ADAR: variants seen among roughly 807,000 people sequenced by gnomAD.
The protein encoded by ADAR is double-stranded RNA-specific adenosine deaminase.
ADAR carries 41 observed loss-of-function variants against 113.2 expected under a neutral mutation model. That is an observed-to-expected ratio of 0.36 (90% CI 0.28 to 0.47). The LOEUF (loss-of-function observed/expected upper bound fraction) is 0.47, where lower values mean the gene tolerates loss of function less well. ADAR is among the 20% of genes least tolerant of loss of function. The pLI is 1.00. For synonymous variants in ADAR, 605 were observed against 572.6 expected (o/e 1.06, Z -0.81); for missense variants, 1,242 against 1,540.9 (o/e 0.81, Z 3.25).
At chr1:154,627,606 TCGCGCACACACGGG>T (rs1484943742) in intron 1 of ADAR, among the ~76,000 whole-genome samples, 10 of 152,226 alleles carry the variant, frequency 6.6e-5, no homozygotes, top group East Asian at 1.9e-4. Flanking sequence ...CCGCCCACAC[TCGCGCACACACGGG>T]CGCGCACACA....
Position 154,596,907 on chromosome 1 carries a change from A to G in ADAR, c.2168T>C (p.Leu723Pro). Residue 723 changes from leucine to proline, a missense_variant, in exon 6 of 15, where the codon CTG (leucine) becomes CCG (proline). This residue lies in a region of ADAR where 780 missense variants were observed against 1,057.9 expected (regional missense o/e 0.74). Transcript: ENST00000368474. ...AAGGCCACCCACAGGGTTGGTGTTC[A>G]GGTATCTCACGAGCTCGCCAATCTT... ...VRKIGELVRY[L>P]NTNPVGGLLE... 6.2e-7 allele frequency: 1 copy of G among 1,614,198 alleles called. No individual in the cohort carries two copies. Among genetic ancestry groups the G allele is most frequent in the Non-Finnish European group, 8.5e-7 (1 of 1,180,020 alleles).
At chr1:154,593,906 C>T (rs764045523) in intron 6 of ADAR, among the ~76,000 whole-genome samples, 10 of 150,650 alleles carry the variant, frequency 6.6e-5, no homozygotes, top group East Asian at 3.9e-4. Context: ...TTTTTTGAGA[C>T]GGAGTCTCAC....
upstream of ADAR, among the ~76,000 whole-genome samples, chr1:154,611,118 G>A (rs1018412130): frequency 2.6e-5 from 4 of 152,018 alleles, no homozygotes; most frequent in Admixed American, 1.3e-4. Flanking sequence ...CTCCGTTTAA[G>A]TAACAGGAGT....
intron 1 of ADAR, among the ~76,000 whole-genome samples, chr1:154,620,669 A>G (rs1053611206): frequency 6.6e-6 from 1 of 152,254 alleles, no homozygotes; most frequent in Admixed American, 6.5e-5. Context: ...TAGAACAGGC[A>G]AAACTAATCT....
At chr1:154,621,372 T>TA (rs1241126507) in intron 1 of ADAR, among the ~76,000 whole-genome samples, 1 of 152,002 alleles carries the variant, frequency 6.6e-6, no homozygotes, top group Non-Finnish European at 1.5e-5. Context: ...AAAATTTGTC[T>TA]AAAAAAGAAT....
At position 154,588,640 on chromosome 1, in the gene ADAR, G is replaced by A. The variant is rs2101578963; in HGVS notation, c.2796C>T (p.Ser932=). 1 of 1,614,060 alleles carries A rather than the reference G, an allele frequency of 6.2e-7. No homozygotes were observed. The part of the protein sequence containing the change: ...FLYSELMKYN[S]QTAKDSIFEP... ...CAAATATACTATCCTTCGCAGTCTGGGAGTTGTATTTCATTAACTCACTGT... is the reference window on the plus strand; with the variant it reads ...CAAATATACTATCCTTCGCAGTCTGAGAGTTGTATTTCATTAACTCACTGT... Residue 932 remains serine (S), a synonymous_variant, in exon 10 of 15, where the codon TCC becomes TCT. Coordinates refer to ENST00000368474, the MANE Select transcript of ADAR (RefSeq NM_001111.5).
At position 154,607,957 on chromosome 1, in the gene ADAR, G is replaced by A. The variant is rs551836792; in HGVS notation, c.15+35C>T. On this transcript the variant is annotated intron_variant, in intron 1 of 14. Transcript: ENST00000368474. ...GCCTGTGAGGTTGTAAACGAACCCA[G>A]ACGGCGGCGAAGGTCCAAGGCCGGC... 2.7e-5 allele frequency: 43 copies of A among 1,611,546 alleles called. No individual in the cohort carries two copies. In the East Asian group the frequency reaches 6.7e-4, roughly 25 times the overall value.
chr1:154,585,904 C>T (rs374073667), intron 12 of ADAR, 39 bp from the exon 13 acceptor site: 32 of 1,551,244 alleles, frequency 2.1e-5, no homozygotes, highest in Non-Finnish European at 1.1e-5. Context: ...CCTGTGTTTG[C>T]ACCAAATGCT....
chr1:154,609,617 G>C (rs1462311847), upstream of ADAR, among the ~76,000 whole-genome samples: 2 of 152,174 alleles, frequency 1.3e-5, no homozygotes, highest in Non-Finnish European at 2.9e-5. Context: ...AGCAGGTAGG[G>C]GGAGAGGAGG....
chr1:154,588,967 T>C (rs1037325604), intron 9 of ADAR, among the ~76,000 whole-genome samples: 3 of 152,186 alleles, frequency 2.0e-5, no homozygotes, highest in African/African-American at 7.2e-5. Flanking sequence ...TCTAAGTCTC[T>C]CCCTTCATAA....
intron 4 of ADAR, 71 bp from the exon 5 acceptor site, chr1:154,597,338 G>C: frequency 6.3e-7 from 1 of 1,580,134 alleles, no homozygotes; most frequent in Non-Finnish European, 8.7e-7. Flanking sequence ...GCCTCTGCCA[G>C]GCTGCCATCC....
upstream of ADAR, among the ~76,000 whole-genome samples, chr1:154,609,500 G>A (rs561610847): frequency 6.6e-6 from 1 of 152,294 alleles, no homozygotes; most frequent in African/African-American, 2.4e-5. Context: ...GCTGGGCTCT[G>A]TCTTCCTTCT....
intron 4 of ADAR, 146 bp downstream of exon 4, chr1:154,597,682 G>A (rs1697591573): frequency 9.4e-7 from 1 of 1,069,388 alleles, no homozygotes; most frequent in Non-Finnish European, 1.4e-6. Context: ...CTCACAAGCA[G>A]CAACCAGGAC....
rs200560244 is a variant in ADAR, at chr1:154,597,917, G to A, written c.1845C>T (p.Pro615=). 9.8e-5 allele frequency: 158 copies of A among 1,614,170 alleles called. No individual in the cohort carries two copies. The African/African-American group carries it at 1.1e-3, about 11-fold the overall frequency. ...GCATACACTCAAGCAGTGTGGTGAC[G>A]GGGCTCTTCCCAGAAAAGAAGGATG... ...SATSFFSGKS[P]VTTLLECMHK... The change falls in exon 4 of 15, where the codon CCC becomes CCT. Residue 615 remains proline, a synonymous_variant. Transcript: ENST00000368474.
chr1:154,596,223 A>G (rs1697484953), intron 6 of ADAR, among the ~76,000 whole-genome samples: 1 of 152,176 alleles, frequency 6.6e-6, no homozygotes, highest in Non-Finnish European at 1.5e-5. Flanking sequence ...TTTTCATTGA[A>G]ATGACTACTT....
chr1:154,608,154 G>C lies in ADAR; in HGVS notation c.-148C>G, dbSNP rs1698327521. ...GGCGTCGGCACGGGAAACTCCGCGG[G>C]TCTGCGCGCCGGGCCCAAGATGGCT... On this transcript the variant is annotated 5_prime_UTR_variant, in exon 1 of 15. Transcript: ENST00000368474. The C allele has an allele frequency of 4.0e-6, 4 of 1,009,982 alleles. No homozygotes were observed. In the South Asian group the frequency reaches 5.8e-5, roughly 15 times the overall value. The allele number at this position is 1,009,982 out of a possible 1,614,324, so 62.6% of individuals were successfully genotyped here.
At chr1:154,610,003 A>G (rs1315174187), upstream of ADAR, among the ~76,000 whole-genome samples, 5 of 152,248 alleles carry the variant, frequency 3.3e-5, no homozygotes, top group African/African-American at 1.2e-4. Context: ...CTCAGTAGGT[A>G]TAACAATGGG....
intron 1 of ADAR, among the ~76,000 whole-genome samples, chr1:154,619,554 A>G (rs1698730748): frequency 6.6e-6 from 1 of 152,212 alleles, no homozygotes; most frequent in African/African-American, 2.4e-5. Flanking sequence ...ATAGCTTTCT[A>G]TAATTTTTAA....
At chr1:154,608,306 CTG>C, upstream of ADAR, 1 of 470,692 alleles carries the variant, frequency 2.1e-6, no homozygotes, top group Non-Finnish European at 3.7e-6. Flanking sequence ...AACCCCTCCG[CTG>C]CATGAGAACT....
Sources: gnomAD v4.1 joint callset for allele counts (sites outside exome capture counted in the v4.1 genomes callset) on GRCh38, gnomAD v4.1.1 for gene constraint, gnomAD v4.1.1 regional missense constraint, MANE v1.5 for transcripts, NCBI Gene and HGNC (gene_info 2026-07-23, HGNC 2026-07-21) for gene names.